Variants in CLNK observed in about 807,000 individuals in gnomAD.
CLNK encodes cytokine-dependent hematopoietic cell linker.
Under a neutral mutation model 68.6 loss-of-function variants are expected in CLNK, and 74 were observed. That is an observed-to-expected ratio of 1.08 (90% CI 0.89 to 1.31). The LOEUF is 1.31. Among genes scored for constraint, CLNK ranks in the 50% most tolerant of loss-of-function variants. The pLI, the probability that CLNK is intolerant of heterozygous loss-of-function variation, is 0.00. For missense variants in CLNK, 553 were observed against 515.3 expected (o/e 1.07, Z -0.71); for synonymous variants, 198 against 172.2 (o/e 1.15, Z -1.17).
intron 5 of CLNK, among the ~76,000 whole-genome samples, chr4:10,568,060 C>G (rs928252393): frequency 3.9e-5 from 6 of 152,184 alleles, no homozygotes; most frequent in African/African-American, 1.4e-4. Flanking sequence ...TCCAGCAACT[C>G]CACATTCACA....
At chr4:10,657,795 G>A (rs1442370987) in intron 2 of CLNK, among the ~76,000 whole-genome samples, 1 of 152,114 alleles carries the variant, frequency 6.6e-6, no homozygotes, top group African/African-American at 2.4e-5. Context: ...TTCTCCTTCT[G>A]ATTTTGCACT....
the CLNK span, among the ~76,000 whole-genome samples, chr4:10,715,315 G>A: frequency 2.0e-5 from 3 of 151,978 alleles, no homozygotes; most frequent in East Asian, 1.9e-4. Flanking sequence ...TTTATTGTCC[G>A]TGTGTTTAAT....
intron 11 of CLNK, among the ~76,000 whole-genome samples, 193 bp from the exon 12 acceptor site, chr4:10,532,476 CAAAGTT>C (rs1244827611): frequency 5.3e-5 from 8 of 152,050 alleles, no homozygotes; most frequent in Admixed American, 5.2e-4. Context: ...AAGGAAAAGA[CAAAGTT>C]AAGAGCCAAA....
At chr4:10,502,413 C>G (rs1717093899) in intron 17 of CLNK, among the ~76,000 whole-genome samples, 1 of 152,064 alleles carries the variant, frequency 6.6e-6, no homozygotes, top group African/African-American at 2.4e-5. Flanking sequence ...AGATCCAGGT[C>G]TCTCCCTAGA....
At chr4:10,591,295 T>C (rs532641093) in intron 3 of CLNK, among the ~76,000 whole-genome samples, 1 of 152,162 alleles carries the variant, frequency 6.6e-6, no homozygotes, top group Middle Eastern at 3.2e-3. Context: ...AGACCGTTTA[T>C]CTTGTTTCCC....
At chr4:10,601,017 T>C (rs559063916) in intron 2 of CLNK, among the ~76,000 whole-genome samples, 3 of 152,328 alleles carry the variant, frequency 2.0e-5, no homozygotes, top group African/African-American at 7.2e-5. Context: ...TTGGCCTTTT[T>C]AACTTTAAGA....
At chr4:10,555,415 C>T (rs1322647029) in intron 8 of CLNK, among the ~76,000 whole-genome samples, 1 of 152,098 alleles carries the variant, frequency 6.6e-6, no homozygotes, top group Non-Finnish European at 1.5e-5. Context: ...ATAGCTATTC[C>T]TATCTGAAAA....
chr4:10,725,951 G>T, the CLNK span, among the ~76,000 whole-genome samples: 639 of 152,304 alleles, frequency 4.2e-3, 7 homozygotes, highest in African/African-American at 0.014. Flanking sequence ...TATCAAAGCA[G>T]CACAAACAGA....
chr4:10,722,274 G>T, the CLNK span, among the ~76,000 whole-genome samples: 7 of 152,082 alleles, frequency 4.6e-5, no homozygotes, highest in Admixed American at 6.5e-5. Context: ...AGATTCAATG[G>T]GATTGAATTT....
At chr4:10,567,795 G>T (rs1720181400) in intron 5 of CLNK, among the ~76,000 whole-genome samples, 1 of 152,162 alleles carries the variant, frequency 6.6e-6, no homozygotes, top group Admixed American at 6.6e-5. Flanking sequence ...AAGAAGATAT[G>T]CAAACCATCA....
intron 2 of CLNK, among the ~76,000 whole-genome samples, chr4:10,644,882 T>C (rs1723451613): frequency 6.6e-6 from 1 of 152,204 alleles, no homozygotes. Context: ...TGGGGATTCA[T>C]ATACTTCTTA....
At chr4:10,580,997 T>C (rs1190017170) in intron 4 of CLNK, among the ~76,000 whole-genome samples, 1 of 152,232 alleles carries the variant, frequency 6.6e-6, no homozygotes, top group Non-Finnish European at 1.5e-5. Context: ...CCCTTTATGG[T>C]AAGTGTCCTA....
rs33954033 is a variant in CLNK at position 10,676,393 on chromosome 4, C to CTT, written c.-43+8273_-43+8274dup. Among the ~76,000 whole-genome samples the CTT allele has an allele frequency of 4.2e-3, 569 of 134,364 alleles. 11 individuals are homozygous for CTT. Among genetic ancestry groups the CTT allele is most frequent in the African/African-American group, 0.014 (488 of 36,100 alleles). 88.1% of individuals were successfully genotyped at this position (134,364 alleles called of 152,430 possible). ...TCAAATGCATTGTTATTATAGATTT[C>CTT]TTTTTTTTTTTTTTTGAGGGGTAAG... On this transcript the variant is annotated intron_variant, in intron 1 of 18. Coordinates refer to ENST00000226951, the MANE Select transcript of CLNK (RefSeq NM_052964.4).
At chr4:10,508,137 C>A in intron 16 of CLNK, 101 bp from the exon 17 acceptor site, 1 of 843,884 alleles carries the variant, frequency 1.2e-6, no homozygotes, top group Non-Finnish European at 1.9e-6. Flanking sequence ...AGTGCCTAAT[C>A]ATAGTGTAAT....
intron 18 of CLNK, among the ~76,000 whole-genome samples, chr4:10,497,752 T>C (rs993971654): frequency 2.6e-5 from 4 of 152,230 alleles, no homozygotes; most frequent in African/African-American, 9.6e-5. Context: ...CATTAATATG[T>C]CCTTTCCAGA....
rs1489692804 is a variant in CLNK at position 10,488,625 on chromosome 4, T to G, written c.*1842A>C. On this transcript the variant is annotated 3_prime_UTR_variant, in exon 19 of 19. Transcript: ENST00000226951. ...ATACTCTACGATAGGCTCAGCTGGG[T>G]CTCAAAAGTTCCAGCTTTACAAATA... is the stretch of plus-strand genomic sequence containing the variant. 6.6e-6 allele frequency: 1 copy of G among 152,208 alleles called. No individual in the cohort carries two copies. Among genetic ancestry groups the G allele is most frequent in the Non-Finnish European group, 1.5e-5 (1 of 68,046 alleles). The allele number at this position is 152,208 out of a possible 1,614,324, so 9.4% of individuals were successfully genotyped here.
At chr4:10,557,072 T>A (rs774679138) in intron 8 of CLNK, among the ~76,000 whole-genome samples, 1 of 133,150 alleles carries the variant, frequency 7.5e-6, no homozygotes, top group African/African-American at 2.9e-5. Context: ...CGAGACTCTG[T>A]CTCAAAATAA....
At chr4:10,679,213 A>G (rs1277578390) in intron 1 of CLNK, among the ~76,000 whole-genome samples, 1 of 152,226 alleles carries the variant, frequency 6.6e-6, no homozygotes, top group African/African-American at 2.4e-5. Context: ...ATAATGCCAC[A>G]TATCTACAAC....
chr4:10,545,531 C>G (rs1273816309), intron 8 of CLNK, among the ~76,000 whole-genome samples: 1 of 152,104 alleles, frequency 6.6e-6, no homozygotes, highest in Non-Finnish European at 1.5e-5. Flanking sequence ...TGGCAATGCA[C>G]ACCAGTAGCT....
Sources: allele counts gnomAD v4.1 joint callset (sites outside exome capture counted in the v4.1 genomes callset), GRCh38; gene constraint gnomAD v4.1.1; transcripts MANE v1.5; gene names NCBI Gene and HGNC (gene_info 2026-07-23, HGNC 2026-07-21).